The following CCSER1 variants were observed in gnomAD, a reference collection of about 807,000 sequenced individuals.
CCSER1 encodes coiled-coil serine rich protein 1, also known as serine-rich coiled-coil domain-containing protein 1.
A neutral mutation model predicts 82.0 loss-of-function variants in CCSER1; 41 were observed. The ratio of observed to expected loss-of-function variants is 0.50; its 90% confidence interval spans 0.39 to 0.65. The LOEUF (loss-of-function observed/expected upper bound fraction) is 0.65. Among genes scored for constraint, CCSER1 ranks in the 30% least tolerant of loss-of-function variants. The pLI, the probability that CCSER1 is intolerant of heterozygous loss-of-function variation, is 0.00. For missense variants in CCSER1, 1,119 were observed against 1,064.2 expected (o/e 1.05, Z -0.72); for synonymous variants, 414 against 383.9 (o/e 1.08, Z -0.92).
chr4:90,251,029 A>G (rs1471418372), intron 1 of CCSER1, among the ~76,000 whole-genome samples: 5 of 151,892 alleles, frequency 3.3e-5, no homozygotes, highest in African/African-American at 1.2e-4. Context: ...TGGTGTATTC[A>G]TCTTGTATCT....
chr4:91,050,029 C>T (rs1742857223), intron 9 of CCSER1, among the ~76,000 whole-genome samples: 1 of 152,186 alleles, frequency 6.6e-6, no homozygotes, highest in African/African-American at 2.4e-5. Context: ...CTTCTGCTTT[C>T]CCTACCTCAT....
chr4:90,643,828 TA>T lies in CCSER1; in HGVS notation c.1932+15599del, dbSNP rs1262295543. Among the ~76,000 whole-genome samples the T allele has an allele frequency of 2.0e-5, 3 of 152,144 alleles. No individual in the cohort carries two copies. The South Asian group carries it at 6.2e-4, about 31-fold the overall frequency. On this transcript the variant is annotated intron_variant, in intron 6 of 10. Coordinates refer to ENST00000509176, the MANE Select transcript of CCSER1 (RefSeq NM_001145065.2). ...TAATAAGGGGATTAAAAAAATCATA[TA>T]AATGTTGTTGTAAAGGTTAGATTTC...
intron 10 of CCSER1, among the ~76,000 whole-genome samples, chr4:91,543,001 T>G (rs1761687714): frequency 6.6e-6 from 1 of 152,224 alleles, no homozygotes; most frequent in Non-Finnish European, 1.5e-5. Context: ...TGGATGCATA[T>G]ATATTTAGCA....
At chr4:90,867,432 TA>T (rs1363475910) in intron 8 of CCSER1, among the ~76,000 whole-genome samples, 4 of 152,268 alleles carry the variant, frequency 2.6e-5, no homozygotes, top group African/African-American at 9.6e-5. Context: ...TATATATGTT[TA>T]CAGGATATGT....
intron 3 of CCSER1, among the ~76,000 whole-genome samples, chr4:90,393,956 A>C (rs1037560188): frequency 6.6e-6 from 1 of 151,316 alleles, no homozygotes; most frequent in Non-Finnish European, 1.5e-5. Context: ...TAAAAAAAAA[A>C]ATTGCAGAGA....
chr4:91,048,112 T>G (rs1742672803), intron 9 of CCSER1, among the ~76,000 whole-genome samples: 1 of 152,014 alleles, frequency 6.6e-6, no homozygotes, highest in African/African-American at 2.4e-5. Context: ...CCAAATACTG[T>G]GTAGCTATTT....
intron 8 of CCSER1, among the ~76,000 whole-genome samples, chr4:90,872,817 T>A (rs1288167623): frequency 6.6e-6 from 1 of 152,026 alleles, no homozygotes; most frequent in African/African-American, 2.4e-5. Flanking sequence ...TTGAAAAAAA[T>A]CCCTCAAATT....
chr4:91,225,362 T>TC (rs1313701307), intron 10 of CCSER1, among the ~76,000 whole-genome samples: 1 of 72,468 alleles, frequency 1.4e-5, no homozygotes, highest in African/African-American at 6.3e-5. Flanking sequence ...GTATATATAT[T>TC]ATATATGTAA....
intron 3 of CCSER1, among the ~76,000 whole-genome samples, chr4:90,391,467 T>TGGGTAA (rs1751072184): frequency 1.0e-4 from 9 of 89,842 alleles, no homozygotes; most frequent in African/African-American, 4.5e-4. Flanking sequence ...TATATATATA[T>TGGGTAA]ATATATATAT....
rs1760958736 is a variant in CCSER1 at position 91,530,323 on chromosome 4, C to G, written c.2218-68249C>G. ...TTATATAGTATATGAATGCTATAAACAATTTATGAATATTATTGGAAAATA... is the reference window on the plus strand; with the variant it reads ...TTATATAGTATATGAATGCTATAAAGAATTTATGAATATTATTGGAAAATA... On this transcript the variant is annotated intron_variant, in intron 10 of 10. Transcript: ENST00000509176. Among the ~76,000 whole-genome samples, 3 of 151,838 alleles carry G rather than the reference C, an allele frequency of 2.0e-5. No individual in the cohort carries two copies. In the South Asian group the frequency reaches 6.2e-4, roughly 32 times the overall value.
intron 5 of CCSER1, among the ~76,000 whole-genome samples, chr4:90,478,789 G>A (rs1265199514): frequency 1.4e-5 from 2 of 148,126 alleles, no homozygotes; most frequent in Admixed American, 6.8e-5. Context: ...TGCCCAGGCT[G>A]GAGTTCAGTG....
At chr4:91,490,737 T>C (rs1230369603) in intron 10 of CCSER1, among the ~76,000 whole-genome samples, 1 of 149,364 alleles carries the variant, frequency 6.7e-6, no homozygotes, top group Non-Finnish European at 1.5e-5. Flanking sequence ...CTAGTATATG[T>C]TTTAAAATAA....
chr4:91,564,413 A>G (rs1762791945), intron 10 of CCSER1, among the ~76,000 whole-genome samples: 1 of 151,986 alleles, frequency 6.6e-6, no homozygotes, highest in African/African-American at 2.4e-5. Flanking sequence ...TACACCCAGT[A>G]ATGGGATTGC....
At chr4:90,227,787 G>A (rs1295522467) in intron 1 of CCSER1, among the ~76,000 whole-genome samples, 1 of 152,228 alleles carries the variant, frequency 6.6e-6, no homozygotes, top group Non-Finnish European at 1.5e-5. Flanking sequence ...AGCCGAAGCA[G>A]GGCGAGGCAT....
chr4:90,136,296 T>C (rs1452148194), intron 1 of CCSER1, among the ~76,000 whole-genome samples: 1 of 152,098 alleles, frequency 6.6e-6, no homozygotes, highest in Non-Finnish European at 1.5e-5. Flanking sequence ...GAGGCTGCAG[T>C]GAGCTATGAT....
At chr4:91,591,822 C>T (rs1389447096) in intron 10 of CCSER1, among the ~76,000 whole-genome samples, 6 of 152,128 alleles carry the variant, frequency 3.9e-5, no homozygotes, top group Non-Finnish European at 7.4e-5. Context: ...TGCAGCCATA[C>T]AATATCTCCC....
At chr4:91,144,599 C>G (rs1466286115) in intron 10 of CCSER1, among the ~76,000 whole-genome samples, 2 of 150,558 alleles carry the variant, frequency 1.3e-5, no homozygotes, top group Non-Finnish European at 1.5e-5. Context: ...GCATTTAGCA[C>G]TATAACCTGT....
In CCSER1 at chr4:91,325,249, C is replaced by T. The variant is rs773398990; in HGVS notation, c.2217+239255C>T. ...GCTGTTGCACATCTAAGCCTGTGCACATGGGTCCTAGGCAGGAAGAAGAAA... is the reference window on the plus strand; with the variant it reads ...GCTGTTGCACATCTAAGCCTGTGCATATGGGTCCTAGGCAGGAAGAAGAAA... On this transcript the variant is annotated intron_variant, in intron 10 of 10. Transcript: ENST00000509176. 8 of 447,692 alleles carry T rather than the reference C, an allele frequency of 1.8e-5. 1 individual carries two copies. Among genetic ancestry groups the T allele is most frequent in the South Asian group, 1.3e-4 (8 of 62,998 alleles). 27.7% of individuals were successfully genotyped at this position (447,692 alleles called of 1,614,324 possible).
At chr4:91,055,231 A>G (rs1332276631) in intron 9 of CCSER1, among the ~76,000 whole-genome samples, 1 of 152,150 alleles carries the variant, frequency 6.6e-6, no homozygotes, top group African/African-American at 2.4e-5. Flanking sequence ...CTAATTTAAA[A>G]TTATGCCATT....
Sources: gnomAD v4.1 joint callset for allele counts (sites outside exome capture counted in the v4.1 genomes callset) on GRCh38, gnomAD v4.1.1 for gene constraint, MANE v1.5 for transcripts, NCBI Gene and HGNC (gene_info 2026-07-23, HGNC 2026-07-21) for gene names.